Variants in PCDHA6 observed in about 807,000 individuals in gnomAD.
PCDHA6 encodes the protein protocadherin alpha 6, also known as protocadherin alpha-6.
PCDHA6 carries 55 observed loss-of-function variants against 60.3 expected under a neutral mutation model. The observed-to-expected ratio is 0.91, with a 90% CI of 0.73 to 1.14. PCDHA6 has a LOEUF of 1.14. Among genes scored for constraint, PCDHA6 ranks in the 50% most tolerant of loss-of-function variants. PCDHA6 has a pLI of 0.00. For synonymous variants in PCDHA6, 652 were observed against 557.9 expected (o/e 1.17, Z -2.38); for missense variants, 1,327 against 1,256.5 (o/e 1.06, Z -0.85).
At chr5:140,846,915 C>G (rs1464406518) in intron 1 of PCDHA6, among the ~76,000 whole-genome samples, 1 of 149,458 alleles carries the variant, frequency 6.7e-6, no homozygotes, top group Non-Finnish European at 1.5e-5. Context: ...CAATCATTTC[C>G]TATTTGAATT....
chr5:140,926,683 C>A, intron 1 of PCDHA6: 3 of 669,314 alleles, frequency 4.5e-6, no homozygotes, highest in Non-Finnish European at 6.7e-6. Context: ...AGCCTCCAGC[C>A]TAGCAAGCCC....
chr5:140,829,347 CG>C lies in PCDHA6; in HGVS notation c.1258del (p.Ala420ProfsTer6), dbSNP rs2150166374. 6.2e-7 allele frequency: 1 copy of C among 1,614,114 alleles called. No homozygotes were observed. The highest frequency in any genetic ancestry group is 8.5e-7 in the Non-Finnish European group (1 of 1,180,060). ...LDSALDRESV[S>X]AYELVVTARD... Reference sequence around the variant, plus strand: ...AGTGCCCTGGACCGCGAGAGCGTGTCGGCCTATGAGTTGGTGGTAACCGCGC... The same window carrying C: ...AGTGCCCTGGACCGCGAGAGCGTGTCGCCTATGAGTTGGTGGTAACCGCGC... On this transcript the variant is annotated frameshift_variant, in exon 1 of 4. Coordinates refer to ENST00000529310, the MANE Select transcript of PCDHA6 (RefSeq NM_018909.4). LOFTEE classifies it high-confidence loss of function.
intron 1 of PCDHA6, chr5:140,884,440 G>T: frequency 1.2e-6 from 2 of 1,613,830 alleles, no homozygotes; most frequent in Non-Finnish European, 1.7e-6. Flanking sequence ...TGCGGTGCTC[G>T]GCACCGCCCA....
At chr5:140,876,315 C>T in intron 1 of PCDHA6, 1 of 1,613,958 alleles carries the variant, frequency 6.2e-7, no homozygotes, top group South Asian at 1.1e-5. Flanking sequence ...CCTATGGGAT[C>T]AAAATGATTT....
chr5:140,907,344 C>T (rs548533041), intron 1 of PCDHA6, among the ~76,000 whole-genome samples: 111 of 152,276 alleles, frequency 7.3e-4, no homozygotes, highest in Non-Finnish European at 1.2e-3. Flanking sequence ...TGCATGAGCC[C>T]GCTGCTGCAC....
chr5:140,835,646 T>C lies in PCDHA6; in HGVS notation c.2394+5161T>C, dbSNP rs148944886. The C allele has an allele frequency of 8.1e-4, 1,314 of 1,613,744 alleles. 16 individuals are homozygous for C. In the African/African-American group the frequency reaches 0.014, roughly 17 times the overall value. On this transcript the variant is annotated intron_variant, in intron 1 of 3. Transcript: ENST00000529310. ...TGGACCGCGAGAGTGTGTCCGCCTA[T>C]GAGCTGGTGGTTACCGCGCGGGACG...
At chr5:140,859,474 T>A (rs1282422046) in intron 1 of PCDHA6, 1 of 210,268 alleles carries the variant, frequency 4.8e-6, no homozygotes, top group East Asian at 1.7e-4. Flanking sequence ...CTATCAATTG[T>A]GTTTTCCTGA....
chr5:141,000,359 CTG>C (rs1554257257), intron 3 of PCDHA6, among the ~76,000 whole-genome samples: 2 of 78,146 alleles, frequency 2.6e-5, no homozygotes, highest in South Asian at 4.6e-4. Context: ...CTGTCTCTCT[CTG>C]TCTCTCTCTC....
intron 1 of PCDHA6, chr5:140,850,243 G>A: frequency 6.3e-7 from 1 of 1,593,880 alleles, no homozygotes; most frequent in Non-Finnish European, 8.6e-7. Flanking sequence ...ATGGTGCTGC[G>A]GTCGGTGGGC....
At chr5:140,897,547 C>T (rs1276931434) in intron 1 of PCDHA6, among the ~76,000 whole-genome samples, 3 of 152,076 alleles carry the variant, frequency 2.0e-5, no homozygotes, top group Non-Finnish European at 2.9e-5. Context: ...CATAGTCTTC[C>T]ATGGTGTATA....
intron 1 of PCDHA6, among the ~76,000 whole-genome samples, chr5:140,889,031 A>C (rs1234867332): frequency 6.6e-6 from 1 of 152,012 alleles, no homozygotes; most frequent in African/African-American, 2.4e-5. Flanking sequence ...GGATAACCGT[A>C]ATTTGATTAT....
intron 1 of PCDHA6, among the ~76,000 whole-genome samples, chr5:140,974,144 A>G (rs868918794): frequency 5.9e-5 from 9 of 152,268 alleles, no homozygotes; most frequent in African/African-American, 1.7e-4. Context: ...CCTGAAAACT[A>G]TACAAGGGTT....
At chr5:140,941,222 T>C (rs147673675) in intron 1 of PCDHA6, among the ~76,000 whole-genome samples, 3 of 116,858 alleles carry the variant, frequency 2.6e-5, no homozygotes, top group African/African-American at 6.4e-5. Flanking sequence ...TTCCTTTCTT[T>C]CTTTCTTTCT....
chr5:140,882,116 GTTTC>G (rs1420968771), intron 1 of PCDHA6: 4 of 1,427,956 alleles, frequency 2.8e-6, no homozygotes, highest in South Asian at 1.4e-5. Flanking sequence ...GAAAGCCGCC[GTTTC>G]TTTCTTCCTG....
chr5:140,834,426 C>A (rs2150217585), intron 1 of PCDHA6: 9 of 1,613,556 alleles, frequency 5.6e-6, no homozygotes, highest in Non-Finnish European at 7.6e-6. Context: ...CCGACATCTA[C>A]TGCTGTTTAT....
chr5:141,006,379 G>GT (rs2098271047), intron 3 of PCDHA6, among the ~76,000 whole-genome samples: 1 of 151,748 alleles, frequency 6.6e-6, no homozygotes, highest in South Asian at 2.1e-4. Flanking sequence ...GCCCGGCTAA[G>GT]TTTTTTCTAT....
At chr5:140,857,216 C>T in intron 1 of PCDHA6, 1 of 1,598,490 alleles carries the variant, frequency 6.3e-7, no homozygotes, top group Non-Finnish European at 8.6e-7. Flanking sequence ...CTCTCTGACG[C>T]CTCACGTTCC....
chr5:140,836,661 T>C (rs2150267176), intron 1 of PCDHA6: 1 of 1,613,416 alleles, frequency 6.2e-7, no homozygotes, highest in Non-Finnish European at 8.5e-7. Context: ...GAGGGTGTGC[T>C]CTGGGGAGGG....
chr5:140,848,297 T>C, intron 1 of PCDHA6: 1 of 658,484 alleles, frequency 1.5e-6, no homozygotes, highest in Non-Finnish European at 2.6e-6. Flanking sequence ...TTGGGCCACG[T>C]GATGTCACTC....
Sources: allele counts gnomAD v4.1 joint callset (sites outside exome capture counted in the v4.1 genomes callset), GRCh38; gene constraint gnomAD v4.1.1; transcripts MANE v1.5; gene names NCBI Gene and HGNC (gene_info 2026-07-23, HGNC 2026-07-21).